UNC13D: variants seen among roughly 807,000 people sequenced by gnomAD.
UNC13D encodes protein unc-13 homolog D.
UNC13D carries 115 observed loss-of-function variants against 151.7 expected under a neutral mutation model. The ratio of observed to expected loss-of-function variants is 0.76; its 90% CI spans 0.65 to 0.88. The LOEUF is 0.88. Ranked by LOEUF, UNC13D falls within the 40% of genes least tolerant of loss-of-function variation. UNC13D has a pLI of 0.00. For missense variants in UNC13D, 1,369 were observed against 1,438.7 expected, an observed-to-expected ratio of 0.95 and a Z score of 0.78; for synonymous variants, 588 against 612.2, an observed-to-expected ratio of 0.96 and a Z score of 0.58.
chr17:75,836,447 C>T lies in UNC13D; in HGVS notation c.1299-18G>A. 6.2e-7 allele frequency: 1 copy of T among 1,612,182 alleles called. No individual in the cohort carries two copies. On this transcript the variant is annotated intron_variant, in intron 14 of 31. Transcript: ENST00000207549. ...CCAGGACCCTGCAAGATGGAAAGAG[C>T]TGTGTCGAAAGTGCCTGCTGCCCCA...
Position 75,840,710 on chromosome 17 carries a change from T to C in UNC13D, c.683+52A>G. 1 of 1,612,850 alleles carries C rather than the reference T, an allele frequency of 6.2e-7. No homozygotes were observed. Among genetic ancestry groups the C allele is most frequent in the Non-Finnish European group, 8.5e-7 (1 of 1,179,280 alleles). ...AGCATCCAGTGTGCATGTTGGGGGA[T>C]GGAGGGCAAAAGGAGCCCCAACCCC... On this transcript the variant is annotated intron_variant, in intron 8 of 31. Coordinates refer to ENST00000207549, the MANE Select transcript of UNC13D (RefSeq NM_199242.3). The surrounding 1 kb of genome is among the most constrained non-coding windows in gnomAD (Gnocchi z 4.6).
chr17:75,842,720 G>A (rs933520835), intron 5 of UNC13D, 107 bp from the exon 6 acceptor site: 167 of 1,598,002 alleles, frequency 1.0e-4, no homozygotes, highest in Non-Finnish European at 1.2e-4. Flanking sequence ...GGAGAGGGAA[G>A]GGGACCAGCA....
At chr17:75,843,342 A>C in intron 2 of UNC13D, 76 bp from the exon 3 acceptor site, 1 of 1,587,402 alleles carries the variant, frequency 6.3e-7, no homozygotes, top group African/African-American at 1.3e-5. Context: ...GGGCAGGACA[A>C]GGGCGGCTTG....
chr17:75,834,679 A>G lies in UNC13D; in HGVS notation c.2030T>C (p.Ile677Thr), dbSNP rs747056010. The G allele has an allele frequency of 9.9e-6, 16 of 1,613,734 alleles. No homozygotes were observed. The South Asian group carries it at 1.4e-4, about 14-fold the overall frequency. Residue 677 changes from isoleucine (I) to threonine (T), a missense_variant, in exon 22 of 32, where the codon ATA (isoleucine) becomes ACA (threonine). Coordinates refer to ENST00000207549, the MANE Select transcript of UNC13D (RefSeq NM_199242.3). ...AGAGAGCTCGCGGGCCCGGGCCTTT[A>G]TAAGGCTGCAGTACACCAGGGCCAG... ...CRLALVYCSL[I>T]KARARELSSG...
chr17:75,836,514 C>A, intron 14 of UNC13D, 58 bp downstream of exon 14: 1 of 1,612,768 alleles, frequency 6.2e-7, no homozygotes, highest in South Asian at 1.1e-5. Context: ...CTCCTGCAGG[C>A]ACCCCAGCTG....
At chr17:75,830,778 G>C (rs989269116) in intron 27 of UNC13D, 117 bp from the exon 28 acceptor site, 1 of 1,297,030 alleles carries the variant, frequency 7.7e-7, no homozygotes, top group Middle Eastern at 2.5e-4. Flanking sequence ...GAAAGTATTG[G>C]GTCATGGGAC....
chr17:75,831,366 G>A lies in UNC13D; in HGVS notation c.2448-18C>T, dbSNP rs745663217. On this transcript the variant is annotated intron_variant, in intron 25 of 31. Coordinates refer to ENST00000207549, the MANE Select transcript of UNC13D (RefSeq NM_199242.3). ...TCAGGAGGCTGGGGCGGGGCCGGAG[G>A]GATGCGGACACAGCACGGCAGGGCG... 5 of 1,604,070 alleles carry A rather than the reference G, an allele frequency of 3.1e-6. No homozygotes were observed. The highest frequency in any genetic ancestry group is 1.7e-4 in the Middle Eastern group (1 of 6,060).
In UNC13D at chr17:75,842,551, G is replaced by C; in HGVS notation, c.451C>G (p.Pro151Ala). 6.2e-7 allele frequency: 1 copy of C among 1,612,162 alleles called. No individual in the cohort carries two copies. The highest frequency in any genetic ancestry group is 8.5e-7 in the Non-Finnish European group (1 of 1,179,346). The change falls in exon 6 of 32, where the codon CCC becomes GCC. Residue 151 changes from proline (P) to alanine (A), a missense_variant. This residue lies in a region of UNC13D where 550 missense variants were observed against 609.0 expected (regional missense o/e 0.90). Coordinates refer to ENST00000207549, the MANE Select transcript of UNC13D (RefSeq NM_199242.3). Reference protein sequence around the residue: ...EQGVGVPGGSPGSRHRQKAVV... With the variant: ...EQGVGVPGGSAGSRHRQKAVV... ...GCCTTCTGCCGATGCCGGGACCCGG[G>C]GCTGCCCCCTGGCACACCTACCCCC... is the stretch of plus-strand genomic sequence containing the variant.
Position 75,833,230 on chromosome 17 carries a change from A to T in UNC13D, c.2368-185T>A. 1.7e-6 allele frequency: 1 copy of T among 579,326 alleles called. No individual in the cohort carries two copies. The highest frequency in any genetic ancestry group is 3.2e-6 in the Non-Finnish European group (1 of 312,760). 35.9% of individuals were successfully genotyped at this position (579,326 alleles called of 1,614,324 possible). ...CCCTCTCCGTTGCTCAGCCTGTCCC[A>T]GCCACACTGGCCTCCTCTACAGCCC... is the stretch of plus-strand genomic sequence containing the variant. On this transcript the variant is annotated intron_variant, in intron 24 of 31. Transcript: ENST00000207549. The surrounding 1 kb of genome is among the most constrained non-coding windows in gnomAD (Gnocchi z 4.0).
In UNC13D at chr17:75,831,176, G is replaced by A. The variant is rs1567817114; in HGVS notation, c.2554-7C>T. 1 of 1,614,140 alleles carries A rather than the reference G, an allele frequency of 6.2e-7. No individual in the cohort carries two copies. The highest frequency in any genetic ancestry group is 8.5e-7 in the Non-Finnish European group (1 of 1,180,042). On this transcript the variant is annotated splice_polypyrimidine_tract_variant and splice_region_variant and intron_variant, in intron 26 of 31. Coordinates refer to ENST00000207549, the MANE Select transcript of UNC13D (RefSeq NM_199242.3). Reference sequence around the variant, plus strand: ...GGAAGCAGATCTCCAGGTTCTGGGGGAGATATCAGAGGTGACCCCAGGCAC... The same window carrying A: ...GGAAGCAGATCTCCAGGTTCTGGGGAAGATATCAGAGGTGACCCCAGGCAC...
Position 75,843,252 on chromosome 17 carries a change from G to A in UNC13D, c.168C>T (p.Tyr56=), listed in dbSNP as rs752533874. The change falls in exon 3 of 32, where the codon TAC becomes TAT. Residue 56 remains tyrosine, a synonymous_variant. Transcript: ENST00000207549. ...HFSPEQRALL[Y]EDALYTVLHR... is the part of the protein sequence containing the mutation. The stretch of plus-strand genomic sequence containing the variant: ...GCAAGACAGTGTAGAGTGCGTCCTC[G>A]TAGAGCAGGGCCCGCTAAGACACAC... The A allele has an allele frequency of 2.9e-5, 47 of 1,607,928 alleles. No individual in the cohort carries two copies. Among genetic ancestry groups the A allele is most frequent in the Non-Finnish European group, 3.4e-5 (40 of 1,179,870 alleles).
chr17:75,831,374 A>ACACAG, intron 25 of UNC13D, 26 bp from the exon 26 acceptor site: 1 of 1,597,958 alleles, frequency 6.3e-7, no homozygotes, highest in Non-Finnish European at 8.5e-7. Context: ...AGGGATGCGG[A>ACACAG]CACAGCACGG....
intron 14 of UNC13D, 57 bp from the exon 15 acceptor site, chr17:75,836,486 C>CA: frequency 6.2e-7 from 1 of 1,612,406 alleles, no homozygotes; most frequent in Non-Finnish European, 8.5e-7. Context: ...TGCACTCACT[C>CA]CTCCAACAAT....
In UNC13D at chr17:75,843,282, T is replaced by C. The variant is rs1304181217; in HGVS notation, c.154-16A>G. On this transcript the variant is annotated splice_polypyrimidine_tract_variant and intron_variant, in intron 2 of 31. Coordinates refer to ENST00000207549, the MANE Select transcript of UNC13D (RefSeq NM_199242.3). Reference sequence around the variant, plus strand: ...GCAGGGCCCGCTAAGACACACGGGGTCACCTTGGGGACCCCACCAGCCACC... The same window carrying C: ...GCAGGGCCCGCTAAGACACACGGGGCCACCTTGGGGACCCCACCAGCCACC... The C allele has an allele frequency of 6.2e-7, 1 of 1,603,166 alleles. No homozygotes were observed.
intron 12 of UNC13D, among the ~76,000 whole-genome samples, chr17:75,837,912 C>A (rs987463268): frequency 6.6e-6 from 1 of 152,142 alleles, no homozygotes; most frequent in South Asian, 2.1e-4. Flanking sequence ...AGAGGAGCAG[C>A]CTGGGGACAG....
chr17:75,841,137 T>A, intron 6 of UNC13D, 136 bp from the exon 7 acceptor site: 3 of 188,896 alleles, frequency 1.6e-5, no homozygotes, highest in East Asian at 4.4e-4. Flanking sequence ...CCGCATCCCT[T>A]TTTTTTTTTT....
At chr17:75,835,587 C>T in intron 19 of UNC13D, 58 bp from the exon 20 acceptor site, 1 of 1,610,906 alleles carries the variant, frequency 6.2e-7, no homozygotes, top group South Asian at 1.1e-5. Flanking sequence ...ACCCTGGGGC[C>T]TCGTCCACCC....
chr17:75,838,356 T>C (rs2064923077), intron 12 of UNC13D, among the ~76,000 whole-genome samples: 1 of 151,874 alleles, frequency 6.6e-6, no homozygotes, highest in South Asian at 2.1e-4. Context: ...GTAGCTGGGA[T>C]TACAGACATG....
chr17:75,840,139 G>A lies in UNC13D; in HGVS notation c.859-29C>T, dbSNP rs771613321. 6.8e-6 allele frequency: 11 copies of A among 1,611,710 alleles called. No homozygotes were observed. The highest frequency in any genetic ancestry group is 2.5e-6 in the Non-Finnish European group (3 of 1,179,254). ...CAATGAGGCCTCTGTGAGCAGACAG[G>A]GCCTCACACTGGGTGCAGCCAGCCC... On this transcript the variant is annotated intron_variant, in intron 10 of 31. Coordinates refer to ENST00000207549, the MANE Select transcript of UNC13D (RefSeq NM_199242.3). The surrounding 1 kb of genome is among the most constrained non-coding windows in gnomAD (Gnocchi z 4.6).
Sources: gnomAD v4.1 joint callset for allele counts (sites outside exome capture counted in the v4.1 genomes callset) on GRCh38, gnomAD v4.1.1 for gene constraint, gnomAD v4.1.1 regional missense constraint, Gnocchi (gnomAD v3.1) non-coding constraint, MANE v1.5 for transcripts, NCBI Gene and HGNC (gene_info 2026-07-23, HGNC 2026-07-21) for gene names.